Variants in PLPPR4 observed in about 807,000 individuals in gnomAD.
The protein encoded by PLPPR4 is phospholipid phosphatase related 4, also known as phospholipid phosphatase-related protein type 4.
In PLPPR4, 24 loss-of-function variants were observed where a neutral mutation model predicts 56.6. That is an observed-to-expected ratio of 0.42 (90% CI 0.31 to 0.60). The LOEUF is 0.60. Ranked by LOEUF, PLPPR4 falls within the 20% of genes least tolerant of loss-of-function variation. The pLI, the probability that PLPPR4 is intolerant of heterozygous loss-of-function variation, is 0.13. For synonymous variants in PLPPR4, 326 were observed against 328.1 expected (o/e 0.99, Z 0.07); for missense variants, 654 against 885.8 (o/e 0.74, Z 3.32).
In PLPPR4 at chr1:99,308,481, A is replaced by T. The variant is rs1660103766; in HGVS notation, c.*1471A>T. 1 of 152,610 alleles carries T rather than the reference A, an allele frequency of 6.6e-6. No homozygotes were observed. Among genetic ancestry groups the T allele is most frequent in the Admixed American group, 6.5e-5 (1 of 15,274 alleles). 9.5% of individuals were successfully genotyped at this position (152,610 alleles called of 1,614,324 possible). The stretch of plus-strand genomic sequence containing the variant: ...TTTCCAACTTAAAGTATGAAGACAT[A>T]CTCAGTTCTTGGAACTTAGTATTAA... On this transcript the variant is annotated 3_prime_UTR_variant, in exon 7 of 7. Coordinates refer to ENST00000370185, the MANE Select transcript of PLPPR4 (RefSeq NM_014839.5).
intron 6 of PLPPR4, among the ~76,000 whole-genome samples, chr1:99,302,103 T>C (rs1315674382): frequency 6.6e-6 from 1 of 152,098 alleles, no homozygotes; most frequent in Admixed American, 6.6e-5. Flanking sequence ...ATTGTAATTT[T>C]AGAAAGATTT....
intron 1 of PLPPR4, among the ~76,000 whole-genome samples, chr1:99,269,332 G>A (rs1284942144): frequency 6.6e-6 from 1 of 152,232 alleles, no homozygotes; most frequent in African/African-American, 2.4e-5. Flanking sequence ...TCACTGATGG[G>A]CATTTAGGTT....
intron 1 of PLPPR4, among the ~76,000 whole-genome samples, chr1:99,284,478 G>T (rs539523204): frequency 1.3e-3 from 196 of 152,022 alleles, no homozygotes; most frequent in African/African-American, 4.5e-3. Flanking sequence ...TAGTAGAGAT[G>T]GGGTTTCACC....
rs113323378 is a variant in PLPPR4, at chr1:99,288,296, A to T, written c.264+146A>T. ...GTCTTTGAGATATATTGACAGTATC[A>T]TGTGGAAGTTAATAGCTTAACATTA... On this transcript the variant is annotated intron_variant, in intron 2 of 6. Transcript: ENST00000370185. 2,942 of 633,072 alleles carry T rather than the reference A, an allele frequency of 4.6e-3. 35 individuals are homozygous for T. Among genetic ancestry groups the T allele is most frequent in the African/African-American group, 0.034 (1,799 of 53,414 alleles). The allele number at this position is 633,072 out of a possible 1,614,324, so 39.2% of individuals were successfully genotyped here. A position where few individuals can be genotyped will look rare whatever the true frequency, so the allele number is the denominator to read the frequency against.
At chr1:99,302,486 G>C (rs557636929) in intron 6 of PLPPR4, among the ~76,000 whole-genome samples, 19 of 147,078 alleles carry the variant, frequency 1.3e-4, no homozygotes, top group African/African-American at 4.9e-4. Context: ...TTGTAACACT[G>C]AGAAATGAGA....
At chr1:99,291,227 A>G (rs1659612647) in intron 2 of PLPPR4, among the ~76,000 whole-genome samples, 1 of 152,204 alleles carries the variant, frequency 6.6e-6, no homozygotes, top group African/African-American at 2.4e-5. Context: ...GCAAATCAAA[A>G]CGAAAATGAC....
chr1:99,296,866 T>C lies in PLPPR4; in HGVS notation c.393T>C (p.Val131=). The C allele has an allele frequency of 6.3e-7, 1 of 1,576,152 alleles. No individual in the cohort carries two copies. Among genetic ancestry groups the C allele is most frequent in the Non-Finnish European group, 8.6e-7 (1 of 1,156,388 alleles). Residue 131 remains valine (V), a splice_region_variant and synonymous_variant, in exon 3 of 7, where the codon GTT becomes GTC. Transcript: ENST00000370185. The stretch of plus-strand genomic sequence containing the variant: ...TCCTCAGACGAGCTGTCAGATTCGT[T>C]GGTGGGTGTGGGGAACCACAAAGAA... ...NSFLRRAVRF[V]GVHVFGLCST...
chr1:99,306,349 T>G lies in PLPPR4; in HGVS notation c.1487T>G (p.Ile496Arg). 6.2e-7 allele frequency: 1 copy of G among 1,614,098 alleles called. No homozygotes were observed. Among genetic ancestry groups the G allele is most frequent in the Non-Finnish European group, 8.5e-7 (1 of 1,180,034 alleles). The part of the protein sequence containing the change: ...VHIPEETQEN[I>R]STSPKSSSAR... ...ATCCCTGAGGAGACTCAGGAAAACA[T>G]AAGCACCTCCCCCAAAAGCAGCTCT... is the stretch of plus-strand genomic sequence containing the variant. The change falls in exon 7 of 7, where the codon ATA becomes AGA. Residue 496 changes from isoleucine to arginine, a missense_variant. Around this residue, in one of 2 missense-constraint regions of PLPPR4, gnomAD observed 468 missense variants for 554.3 expected, o/e 0.84. Transcript: ENST00000370185. The surrounding 1 kb of genome is among the most constrained non-coding windows in gnomAD (Gnocchi z 4.0).
intron 1 of PLPPR4, among the ~76,000 whole-genome samples, chr1:99,279,484 G>A (rs1412746084): frequency 6.6e-6 from 1 of 152,152 alleles, no homozygotes; most frequent in East Asian, 1.9e-4. Context: ...AACTGCACAA[G>A]GAATAACGTT....
Position 99,305,942 on chromosome 1 carries a change from G to A in PLPPR4, c.1080G>A (p.Glu360=). 6.2e-7 allele frequency: 1 copy of A among 1,614,114 alleles called. No individual in the cohort carries two copies. The highest frequency in any genetic ancestry group is 8.5e-7 in the Non-Finnish European group (1 of 1,180,026). The part of the protein sequence containing the change: ...IITPRSPMGK[E]NMVTFSNTLP... ...CTCCACGGAGCCCCATGGGGAAGGA[G>A]AACATGGTTACCTTCAGCAATACCT... The change falls in exon 7 of 7, where the codon GAG becomes GAA. Residue 360 remains glutamate (E), a synonymous_variant. Transcript: ENST00000370185.
At chr1:99,305,258 T>A (rs1659992188) in intron 6 of PLPPR4, among the ~76,000 whole-genome samples, 1 of 152,208 alleles carries the variant, frequency 6.6e-6, no homozygotes, top group Admixed American at 6.5e-5. Context: ...TGTACACTTC[T>A]TCTACTTTCC....
At chr1:99,279,523 A>AGT (rs1432581727) in intron 1 of PLPPR4, among the ~76,000 whole-genome samples, 2 of 152,284 alleles carry the variant, frequency 1.3e-5, no homozygotes, top group East Asian at 3.9e-4. Context: ...CATCAGTGAG[A>AGT]GTGTGATTTG....
At chr1:99,295,975 C>T (rs1037124371) in intron 2 of PLPPR4, among the ~76,000 whole-genome samples, 1 of 152,178 alleles carries the variant, frequency 6.6e-6, no homozygotes, top group Non-Finnish European at 1.5e-5. Context: ...TCAAAGAAAA[C>T]TTACTGAGGG....
At position 99,307,175 on chromosome 1, in the gene PLPPR4, C is replaced by A; in HGVS notation, c.*165C>A. On this transcript the variant is annotated 3_prime_UTR_variant, in exon 7 of 7. Coordinates refer to ENST00000370185, the MANE Select transcript of PLPPR4 (RefSeq NM_014839.5). ...GCTATACTCAAACTTGCAGATCTCA[C>A]ATCAAGGAGAGGGAAAAGCACAATG... The A allele has an allele frequency of 2.6e-6, 2 of 770,658 alleles. No homozygotes were observed. Among genetic ancestry groups the A allele is most frequent in the Non-Finnish European group, 4.1e-6 (2 of 486,570 alleles). The allele number at this position is 770,658 out of a possible 1,614,324, so 47.7% of individuals were successfully genotyped here.
chr1:99,300,981 C>G lies in PLPPR4; in HGVS notation c.648+15C>G. 6.2e-7 allele frequency: 1 copy of G among 1,608,940 alleles called. No individual in the cohort carries two copies. Among genetic ancestry groups the G allele is most frequent in the Non-Finnish European group, 8.5e-7 (1 of 1,175,868 alleles). On this transcript the variant is annotated intron_variant, in intron 5 of 6. Coordinates refer to ENST00000370185, the MANE Select transcript of PLPPR4 (RefSeq NM_014839.5). ...TGTATGTTTCGGTAAGTAACTGGTT[C>G]TTTTTTGTTAAGTTGTGTTCTACAG...
intron 6 of PLPPR4, among the ~76,000 whole-genome samples, chr1:99,302,683 G>A (rs1659915170): frequency 9.2e-6 from 1 of 108,428 alleles, no homozygotes; most frequent in Non-Finnish European, 1.7e-5. Flanking sequence ...CCCCACAACA[G>A]TCTCCAGAGT....
intron 1 of PLPPR4, among the ~76,000 whole-genome samples, chr1:99,276,533 T>C (rs1475880915): frequency 6.6e-6 from 1 of 152,120 alleles, no homozygotes. Flanking sequence ...ATGTTAAGAT[T>C]ATATGTCAAT....
At chr1:99,298,559 A>C (rs1025202356) in intron 3 of PLPPR4, among the ~76,000 whole-genome samples, 3 of 152,142 alleles carry the variant, frequency 2.0e-5, no homozygotes, top group Non-Finnish European at 4.4e-5. Flanking sequence ...TTTAATTAGC[A>C]TTCCTAGTAT....
At chr1:99,269,170 C>G (rs2100782473) in intron 1 of PLPPR4, among the ~76,000 whole-genome samples, 1 of 152,186 alleles carries the variant, frequency 6.6e-6, no homozygotes, top group South Asian at 2.1e-4. Context: ...GTGAGAACAT[C>G]TGGTGTTTGG....
Sources: gnomAD v4.1 joint callset for allele counts (sites outside exome capture counted in the v4.1 genomes callset) on GRCh38, gnomAD v4.1.1 for gene constraint, gnomAD v4.1.1 regional missense constraint, Gnocchi (gnomAD v3.1) non-coding constraint, MANE v1.5 for transcripts, NCBI Gene and HGNC (gene_info 2026-07-23, HGNC 2026-07-21) for gene names.